Variants in BRCA1 observed in about 807,000 individuals in gnomAD.
BRCA1 encodes breast cancer type 1 susceptibility protein.
BRCA1 carries 140 observed loss-of-function variants against 173.7 expected under a neutral mutation model. That is an observed-to-expected ratio of 0.81 (90% CI 0.70 to 0.93). The LOEUF (loss-of-function observed/expected upper bound fraction) is 0.93, where lower values mean the gene tolerates loss of function less well. Among genes scored for constraint, BRCA1 ranks in the 40% least tolerant of loss-of-function variants. The pLI, the probability that BRCA1 is intolerant of heterozygous loss-of-function variation, is 0.00. For missense variants in BRCA1, 1,983 were observed against 2,172.5 expected (o/e 0.91, Z 1.73); for synonymous variants, 662 against 756.0 (o/e 0.88, Z 2.04).
At chr17:43,054,495 A>AT (rs2051378004) in intron 19 of BRCA1, among the ~76,000 whole-genome samples, 1 of 152,208 alleles carries the variant, frequency 6.6e-6, no homozygotes, top group African/African-American at 2.4e-5. Flanking sequence ...GCTGGAGTGC[A>AT]GTAGCACCAT....
In BRCA1 at chr17:43,095,820, G is replaced by C. The variant is rs368134697; in HGVS notation, c.670+26C>G. 1.6e-5 allele frequency: 26 copies of C among 1,585,660 alleles called. No homozygotes were observed. The African/African-American group carries it at 3.0e-4, about 18-fold the overall frequency. ...TCTACCCACTCTCTTTTCAGTGCCT[G>C]TTAAGTTGGCAAACTTTGCCATTAC... is the stretch of plus-strand genomic sequence containing the variant. On this transcript the variant is annotated intron_variant, in intron 9 of 22. Coordinates refer to ENST00000357654, the MANE Select transcript of BRCA1 (RefSeq NM_007294.4).
chr17:43,060,111 C>T (rs2153473479), intron 18 of BRCA1, among the ~76,000 whole-genome samples: 1 of 152,154 alleles, frequency 6.6e-6, no homozygotes, highest in South Asian at 2.1e-4. Flanking sequence ...ACTCTTGTTG[C>T]CCAGGCTGGA....
chr17:43,121,078 GA>G (rs1302804649), intron 2 of BRCA1, among the ~76,000 whole-genome samples: 3 of 137,540 alleles, frequency 2.2e-5, no homozygotes, highest in Non-Finnish European at 4.7e-5. Flanking sequence ...CCCCCACCCC[GA>G]AAAAAAAAGG....
intron 6 of BRCA1, among the ~76,000 whole-genome samples, chr17:43,102,547 G>A (rs1396634364): frequency 6.6e-6 from 1 of 151,466 alleles, no homozygotes; most frequent in Non-Finnish European, 1.5e-5. Context: ...AGTAGAGACC[G>A]GGTTTCACCA....
At chr17:43,106,118 T>TA (rs766678487) in intron 4 of BRCA1, among the ~76,000 whole-genome samples, 1,557 of 124,446 alleles carry the variant, frequency 0.013, 7 homozygotes, top group Non-Finnish European at 0.018. Flanking sequence ...GACCCTGTCT[T>TA]AAAAAAAAAA....
chr17:43,100,644 A>ATGTT (rs1255823635), intron 6 of BRCA1, among the ~76,000 whole-genome samples: 7 of 52,156 alleles, frequency 1.3e-4, no homozygotes, highest in Non-Finnish European at 2.3e-4. Context: ...ATATATATAT[A>ATGTT]ACATATATAT....
intron 1 of BRCA1, chr17:43,139,748 G>A (rs2056060213): frequency 2.4e-6 from 1 of 413,432 alleles, no homozygotes; most frequent in Middle Eastern, 5.6e-4. Flanking sequence ...GTGTTTATGA[G>A]TTCTCATCAT....
At chr17:43,084,840 T>C (rs989490474) in intron 11 of BRCA1, among the ~76,000 whole-genome samples, 8 of 152,162 alleles carry the variant, frequency 5.3e-5, no homozygotes, top group Non-Finnish European at 8.8e-5. Flanking sequence ...TGAAAGCACA[T>C]AGATATCTGA....
At chr17:43,131,825 C>A (rs2055968592) in intron 1 of BRCA1, among the ~76,000 whole-genome samples, 1 of 151,968 alleles carries the variant, frequency 6.6e-6, no homozygotes, top group African/African-American at 2.4e-5. Context: ...ACTCTGTCAT[C>A]CAGGCTGCAG....
At position 43,093,650 on chromosome 17, in the gene BRCA1, G is replaced by C. The variant is rs80356838; in HGVS notation, c.1881C>G (p.Val627=). 26 of 1,613,912 alleles carry C rather than the reference G, an allele frequency of 1.6e-5. No individual in the cohort carries two copies. The highest frequency in any genetic ancestry group is 2.1e-5 in the Non-Finnish European group (25 of 1,179,996). The change falls in exon 10 of 23, where the codon GTC becomes GTG. Residue 627 remains valine (V), a synonymous_variant. Transcript: ENST00000357654. ...TRHIHALELV[V]SRNLSPPNCT... ...AATTAGGTGGGCTTAGATTTCTACT[G>C]ACTACTAGTTCAAGCGCATGAATAT... is the stretch of plus-strand genomic sequence containing the variant.
intron 1 of BRCA1, among the ~76,000 whole-genome samples, chr17:43,136,141 GAAAT>G (rs891053922): frequency 3.9e-5 from 6 of 152,158 alleles, no homozygotes; most frequent in Non-Finnish European, 8.8e-5. Context: ...AAGACAATGA[GAAAT>G]AAATCTAAAA....
chr17:43,127,142 C>G (rs754407454), upstream of BRCA1, among the ~76,000 whole-genome samples: 1 of 152,226 alleles, frequency 6.6e-6, no homozygotes, highest in East Asian at 1.9e-4. Context: ...GCCTCCCCGA[C>G]GGGCACCGCC....
At chr17:43,096,790 T>C (rs1458649969) in intron 8 of BRCA1, among the ~76,000 whole-genome samples, 2 of 152,214 alleles carry the variant, frequency 1.3e-5, no homozygotes, top group Non-Finnish European at 2.9e-5. Context: ...ATGAGGAACT[T>C]AGAGAACAAT....
intron 6 of BRCA1, among the ~76,000 whole-genome samples, chr17:43,101,382 C>T (rs1454877025): frequency 1.3e-5 from 2 of 151,606 alleles, no homozygotes; most frequent in Non-Finnish European, 2.9e-5. Context: ...TTTTTTGTAG[C>T]GATGGGGTTT....
chr17:43,115,501 CAAA>C (rs35149296), intron 3 of BRCA1, among the ~76,000 whole-genome samples: 3 of 123,298 alleles, frequency 2.4e-5, no homozygotes, highest in Non-Finnish European at 3.5e-5. Flanking sequence ...GACTTTGTCT[CAAA>C]AAAAAAAAAA....
chr17:43,104,287 T>C (rs1597897348), intron 5 of BRCA1, 26 bp from the exon 6 acceptor site: 3 of 1,604,404 alleles, frequency 1.9e-6, no homozygotes, highest in African/African-American at 2.7e-5. Context: ...GAAAACATTA[T>C]GTTTGCAGTT....
Position 43,136,531 on chromosome 17 carries a change from C to T in BRCA1, c.-19-12416G>A, listed in dbSNP as rs140219387. ...AATGGGAGAAAATTTTTACAATCTA[C>T]CCATCTGACAAAGGGCTAATATCCA... On this transcript the variant is annotated intron_variant, in intron 1 of 7. Coordinates refer to the BRCA1 transcript ENST00000634433. Among the ~76,000 whole-genome samples the T allele has an allele frequency of 2.7e-3, 411 of 152,240 alleles. 1 individual carries two copies. Among genetic ancestry groups the T allele is most frequent in the African/African-American group, 9.3e-3 (385 of 41,546 alleles).
intron 16 of BRCA1, among the ~76,000 whole-genome samples, chr17:43,066,955 T>C (rs1006870028): frequency 6.7e-6 from 1 of 150,374 alleles, no homozygotes; most frequent in African/African-American, 2.4e-5. Context: ...GTAGCTGGGA[T>C]TACAGGTGCC....
chr17:43,108,859 GGCATAT>G (rs2054912254), intron 3 of BRCA1, among the ~76,000 whole-genome samples: 1 of 152,028 alleles, frequency 6.6e-6, no homozygotes, highest in Non-Finnish European at 1.5e-5. Context: ...CGGGCATGGT[GGCATAT>G]GCCTGTAATC....
Sources: gnomAD v4.1 joint callset for allele counts (sites outside exome capture counted in the v4.1 genomes callset) on GRCh38, gnomAD v4.1.1 for gene constraint, MANE v1.5 for transcripts, NCBI Gene and HGNC (gene_info 2026-07-23, HGNC 2026-07-21) for gene names.